Variants in CSGALNACT1 observed in about 807,000 individuals in gnomAD.
CSGALNACT1 encodes the protein beta4GalNAcT-1.
CSGALNACT1 carries 52 observed loss-of-function variants against 51.0 expected under a neutral mutation model. That is an observed-to-expected ratio of 1.02 (90% CI 0.82 to 1.29). CSGALNACT1 has a LOEUF of 1.29. CSGALNACT1 is among the 50% of genes most tolerant of loss of function. The pLI is 0.00. For synonymous variants in CSGALNACT1, 341 were observed against 254.4 expected (o/e 1.34, Z -3.24); for missense variants, 935 against 679.2 (o/e 1.38, Z -4.19).
At chr8:19,539,548 CAGG>C (rs1404958435) in intron 3 of CSGALNACT1, among the ~76,000 whole-genome samples, 2 of 152,072 alleles carry the variant, frequency 1.3e-5, no homozygotes, top group East Asian at 1.9e-4. Context: ...TCATGAATAT[CAGG>C]AGAATTGTTA....
intron 3 of CSGALNACT1, among the ~76,000 whole-genome samples, chr8:19,553,898 G>A (rs1031816000): frequency 1.3e-4 from 16 of 119,332 alleles, no homozygotes; most frequent in Non-Finnish European, 2.6e-4. Context: ...GAAAGAACTC[G>A]TAGAACACAC....
chr8:19,558,766 A>G (rs2040043843), intron 3 of CSGALNACT1, among the ~76,000 whole-genome samples: 1 of 152,210 alleles, frequency 6.6e-6, no homozygotes, highest in South Asian at 2.1e-4. Context: ...AGATTTAAAT[A>G]GAATACTGAA....
At chr8:19,442,814 G>T (rs1019001026) in intron 5 of CSGALNACT1, among the ~76,000 whole-genome samples, 8 of 152,050 alleles carry the variant, frequency 5.3e-5, no homozygotes, top group Middle Eastern at 3.4e-3. Flanking sequence ...TTTCTTATGT[G>T]GGCCAAACAC....
At chr8:19,485,312 T>G (rs936408238) in intron 4 of CSGALNACT1, among the ~76,000 whole-genome samples, 2 of 152,172 alleles carry the variant, frequency 1.3e-5, no homozygotes, top group African/African-American at 4.8e-5. Context: ...AATCCATTAG[T>G]AAACCATGCT....
At chr8:19,663,145 C>T (rs1286607286) in intron 1 of CSGALNACT1, among the ~76,000 whole-genome samples, 2 of 152,162 alleles carry the variant, frequency 1.3e-5, no homozygotes, top group African/African-American at 4.8e-5. Context: ...AGTCATGCCA[C>T]TCTGCCTCTA....
intron 8 of CSGALNACT1, among the ~76,000 whole-genome samples, chr8:19,415,056 T>A: frequency 6.6e-6 from 1 of 152,190 alleles, no homozygotes; most frequent in East Asian, 1.9e-4. Context: ...CATACGTCAG[T>A]TCTCATCTAG....
intron 3 of CSGALNACT1, among the ~76,000 whole-genome samples, chr8:19,543,254 T>C (rs1028931547): frequency 6.6e-6 from 1 of 152,198 alleles, no homozygotes; most frequent in Admixed American, 6.6e-5. Flanking sequence ...CCCCATCCTA[T>C]ACTTCAGGTT....
intron 4 of CSGALNACT1, among the ~76,000 whole-genome samples, chr8:19,469,215 C>T (rs996870485): frequency 3.9e-5 from 6 of 152,086 alleles, no homozygotes; most frequent in Non-Finnish European, 8.8e-5. Flanking sequence ...CACAGCAAGA[C>T]CTTGTCTCTA....
intron 3 of CSGALNACT1, among the ~76,000 whole-genome samples, chr8:19,569,615 C>G (rs2958569): frequency 0.17 from 25,192 of 152,012 alleles, 2,117 homozygotes; most frequent in Middle Eastern, 0.22. Context: ...TGTGGAGCAA[C>G]TGGAGCTCAC....
intron 1 of CSGALNACT1, among the ~76,000 whole-genome samples, chr8:19,729,830 G>C (rs1310146593): frequency 6.6e-6 from 1 of 152,004 alleles, no homozygotes; most frequent in African/African-American, 2.4e-5. Flanking sequence ...ACAGCAGTTA[G>C]AAGGAAGAGC....
intron 1 of CSGALNACT1, among the ~76,000 whole-genome samples, chr8:19,725,346 TG>T: frequency 6.6e-6 from 1 of 152,144 alleles, no homozygotes; most frequent in Admixed American, 6.5e-5. Flanking sequence ...GAAAGTAGCT[TG>T]GTAAATAAGA....
exon 10 of CSGALNACT1, chr8:19,405,348 G>C (rs980387210): frequency 4.4e-6 from 2 of 455,138 alleles, no homozygotes; most frequent in African/African-American, 4.0e-5. Flanking sequence ...TGATATTTTA[G>C]CATTCCTAGA....
At chr8:19,630,240 GTGTA>G (rs745427384) in intron 1 of CSGALNACT1, among the ~76,000 whole-genome samples, 2,187 of 114,292 alleles carry the variant, frequency 0.019, 22 homozygotes, top group African/African-American at 0.039. Context: ...GTGTGTGTGT[GTGTA>G]TGTGTGTGTG....
At chr8:19,600,481 T>C (rs923511572) in intron 2 of CSGALNACT1, among the ~76,000 whole-genome samples, 27 of 152,158 alleles carry the variant, frequency 1.8e-4, no homozygotes, top group African/African-American at 6.3e-4. Context: ...TTGCTCTCTT[T>C]TGTATCATCC....
chr8:19,666,809 AAGAGAGAGAG>A (rs375633259), intron 1 of CSGALNACT1, among the ~76,000 whole-genome samples: 1 of 25,064 alleles, frequency 4.0e-5, no homozygotes, highest in Non-Finnish European at 6.8e-5. Flanking sequence ...GAAAGAAAGA[AAGAGAGAGAG>A]AGAGAGAGAG....
intron 3 of CSGALNACT1, among the ~76,000 whole-genome samples, chr8:19,556,683 A>T (rs933631893): frequency 2.0e-5 from 3 of 152,128 alleles, no homozygotes; most frequent in African/African-American, 7.2e-5. Context: ...GCTATAATAG[A>T]TTCTCCTTTT....
chr8:19,505,106 C>A (rs2077053182), intron 4 of CSGALNACT1, 95 bp downstream of exon 3: 4 of 1,400,672 alleles, frequency 2.9e-6, no homozygotes, highest in Non-Finnish European at 3.0e-6. Context: ...CATCCCAGAG[C>A]CAGCTGCCAG....
chr8:19,487,254 C>T (rs563788530), intron 4 of CSGALNACT1, among the ~76,000 whole-genome samples: 11 of 152,298 alleles, frequency 7.2e-5, no homozygotes, highest in African/African-American at 2.2e-4. Context: ...AAAAGACAAA[C>T]AATTTCACTC....
intron 1 of CSGALNACT1, among the ~76,000 whole-genome samples, chr8:19,656,010 G>T (rs1201138489): frequency 6.6e-6 from 1 of 152,112 alleles, no homozygotes; most frequent in Non-Finnish European, 1.5e-5. Context: ...AACTTTGGAG[G>T]TTGAGCAGGA....
Sources: gnomAD v4.1 joint callset for allele counts (sites outside exome capture counted in the v4.1 genomes callset) on GRCh38, gnomAD v4.1.1 for gene constraint, MANE v1.5 for transcripts, NCBI Gene and HGNC (gene_info 2026-07-23, HGNC 2026-07-21) for gene names.